Variants in TANC2 observed in about 807,000 individuals in gnomAD.
TANC2 encodes the protein tetratricopeptide repeat, ankyrin repeat and coiled-coil containing 2.
A neutral mutation model predicts 210.5 loss-of-function variants in TANC2; 26 were observed. That is an observed-to-expected ratio of 0.12 (90% CI 0.09 to 0.17). The LOEUF (loss-of-function observed/expected upper bound fraction) is 0.17. TANC2 is among the 10% of genes least tolerant of loss of function. The pLI is 1.00. For missense variants in TANC2, 2,129 were observed against 2,608.9 expected (o/e 0.82, Z 4.01); for synonymous variants, 931 against 967.1 (o/e 0.96, Z 0.69).
Position 63,209,155 on chromosome 17 carries a change from G to A in TANC2, c.769+8198G>A, listed in dbSNP as rs149820757. On this transcript the variant is annotated intron_variant, in intron 7 of 27. Coordinates refer to ENST00000689528, the Ensembl canonical transcript of TANC2. ...CTCCCAAGCATCTGGGACTACAGGC[G>A]CATGCCACCACACCCAGCTAATTTT... Among the ~76,000 whole-genome samples, 125 of 151,862 alleles carry A rather than the reference G, an allele frequency of 8.2e-4. 1 individual carries two copies. The highest frequency in any genetic ancestry group is 2.7e-3 in the African/African-American group (112 of 41,438).
intron 9 of TANC2, among the ~76,000 whole-genome samples, chr17:63,301,636 A>AT (rs1250644175): frequency 6.6e-6 from 1 of 151,912 alleles, no homozygotes; most frequent in African/African-American, 2.4e-5. Context: ...CCCTTTTATC[A>AT]TTTTTTATTG....
intron 8 of TANC2, among the ~76,000 whole-genome samples, chr17:63,257,106 G>A (rs186676114): frequency 1.3e-3 from 193 of 146,700 alleles, no homozygotes; most frequent in African/African-American, 4.6e-3. Flanking sequence ...ATTCAGCCAC[G>A]CTGTGTCTTT....
chr17:62,972,180 A>G (rs76450115), intron 1 of TANC2, among the ~76,000 whole-genome samples: 4,228 of 152,204 alleles, frequency 0.028, 76 homozygotes, highest in South Asian at 0.037. Context: ...ATTTTAAAAA[A>G]TCTTTATAAA....
At chr17:63,232,385 G>T (rs1210908420) in intron 7 of TANC2, among the ~76,000 whole-genome samples, 1 of 152,304 alleles carries the variant, frequency 6.6e-6, no homozygotes, top group African/African-American at 2.4e-5. Flanking sequence ...TCTCATCTTC[G>T]TGAGTTCGTC....
intron 2 of TANC2, among the ~76,000 whole-genome samples, chr17:63,054,727 C>A (rs1336818516): frequency 1.3e-5 from 2 of 151,998 alleles, no homozygotes; most frequent in African/African-American, 2.4e-5. Flanking sequence ...TTTGTATTTT[C>A]TTTATATTTC....
chr17:63,298,808 G>A (rs932015443), intron 9 of TANC2, among the ~76,000 whole-genome samples: 1 of 151,854 alleles, frequency 6.6e-6, no homozygotes, highest in Admixed American at 6.6e-5. Flanking sequence ...AACTTGTAGG[G>A]TTGTTACATA....
At chr17:63,312,618 C>T (rs927004881) in intron 9 of TANC2, among the ~76,000 whole-genome samples, 2 of 152,104 alleles carry the variant, frequency 1.3e-5, no homozygotes, top group Admixed American at 1.3e-4. Context: ...CTATTAGGTA[C>T]TATGCTTAGT....
At chr17:63,009,680 T>C in intron 2 of TANC2, 54 bp downstream of exon 2, 1 of 1,479,508 alleles carries the variant, frequency 6.8e-7, no homozygotes, top group Non-Finnish European at 9.4e-7. Flanking sequence ...TACAAGTTCT[T>C]TTAGGGTCCT....
intron 5 of TANC2, among the ~76,000 whole-genome samples, chr17:63,191,652 G>A (rs1411871708): frequency 1.3e-5 from 2 of 151,642 alleles, no homozygotes; most frequent in African/African-American, 2.4e-5. Context: ...TTGCAGAGAC[G>A]GGGTTTCACC....
chr17:63,255,123 G>C (rs948059657), intron 8 of TANC2, among the ~76,000 whole-genome samples: 5 of 147,424 alleles, frequency 3.4e-5, no homozygotes. Context: ...ATTTATTTTT[G>C]AGACGAAGTC....
chr17:63,414,787 C>A (rs540302804), intron 25 of TANC2, among the ~76,000 whole-genome samples: 1 of 152,298 alleles, frequency 6.6e-6, no homozygotes, highest in East Asian at 1.9e-4. Flanking sequence ...ATGCCGCCTG[C>A]ATCTTTCTGG....
chr17:62,978,163 G>A (rs982085288), intron 1 of TANC2, among the ~76,000 whole-genome samples: 6 of 152,094 alleles, frequency 3.9e-5, no homozygotes, highest in African/African-American at 1.4e-4. Context: ...GACTAGAGAA[G>A]CAAACATTTG....
chr17:63,173,183 C>T (rs1176684119), intron 5 of TANC2, among the ~76,000 whole-genome samples: 3 of 152,066 alleles, frequency 2.0e-5, no homozygotes, highest in African/African-American at 4.8e-5. Context: ...ACACATTTAT[C>T]CTCAAAAATC....
In TANC2 at chr17:63,210,501, TTATG is replaced by T. The variant is rs1174493074; in HGVS notation, c.769+9547_769+9550del. Reference sequence around the variant, plus strand: ...ACTTATAGTTATATATTTATTTTCTTTATGTAAGCTTCTTAATGTCAAGATTTAT... The same window carrying T: ...ACTTATAGTTATATATTTATTTTCTTTAAGCTTCTTAATGTCAAGATTTAT... On this transcript the variant is annotated intron_variant, in intron 7 of 27. Transcript: ENST00000689528. Among the ~76,000 whole-genome samples the T allele has an allele frequency of 2.0e-5, 3 of 152,216 alleles. No individual in the cohort carries two copies. The East Asian group carries it at 5.8e-4, about 29-fold the overall frequency.
rs948265648 is a variant in TANC2 at position 63,238,197 on chromosome 17, T to C, written c.1033+120T>C. ...ATTTAAATTTTCCATTCATCTTTTC[T>C]GACTAAGCTGTTCTTTTGTGTTTGG... On this transcript the variant is annotated intron_variant, in intron 8 of 27. Coordinates refer to ENST00000689528, the Ensembl canonical transcript of TANC2. 3.4e-5 allele frequency: 43 copies of C among 1,249,390 alleles called. No homozygotes were observed. In the Middle Eastern group the frequency reaches 6.4e-4, roughly 19 times the overall value. 77.4% of individuals were successfully genotyped at this position (1,249,390 alleles called of 1,614,324 possible).
At chr17:63,387,839 G>A (rs914057725) in intron 15 of TANC2, 4 of 152,198 alleles carry the variant, frequency 2.6e-5, no homozygotes, top group Non-Finnish European at 4.4e-5. Flanking sequence ...AATTTGTTGC[G>A]GATGGAAATC....
chr17:63,197,000 A>G (rs544647233), intron 6 of TANC2, among the ~76,000 whole-genome samples: 4 of 152,276 alleles, frequency 2.6e-5, no homozygotes, highest in African/African-American at 9.6e-5. Flanking sequence ...ATGTGAAATA[A>G]TAACACCTGA....
At chr17:63,080,047 C>G (rs2036714866) in intron 3 of TANC2, among the ~76,000 whole-genome samples, 1 of 152,152 alleles carries the variant, frequency 6.6e-6, no homozygotes, top group African/African-American at 2.4e-5. Flanking sequence ...TATAATTGCA[C>G]TATATTACTT....
At chr17:63,287,794 C>G (rs2044272125) in intron 9 of TANC2, among the ~76,000 whole-genome samples, 1 of 152,052 alleles carries the variant, frequency 6.6e-6, no homozygotes, top group Non-Finnish European at 1.5e-5. Flanking sequence ...CCTGCCTCAG[C>G]CTCCTGAGTA....
Sources: gnomAD v4.1 joint callset for allele counts (sites outside exome capture counted in the v4.1 genomes callset) on GRCh38, gnomAD v4.1.1 for gene constraint, MANE v1.5 for transcripts, NCBI Gene and HGNC (gene_info 2026-07-23, HGNC 2026-07-21) for gene names.